NAV2: variants seen among roughly 807,000 people sequenced by gnomAD.
The protein encoded by NAV2 is neuron navigator 2, also known as helicase, APC down-regulated 1.
In NAV2, 54 loss-of-function variants were observed where a neutral mutation model predicts 223.2. That is an observed-to-expected ratio of 0.24 (90% CI 0.19 to 0.30). The LOEUF is 0.30. NAV2 is among the 10% of genes least tolerant of loss of function. The probability of loss-of-function intolerance (pLI) is 1.00; values close to 1 mark genes in which losing one functional copy is unlikely to be tolerated. For missense variants in NAV2, 2,806 were observed against 3,147.5 expected, an observed-to-expected ratio of 0.89 and a Z score of 2.60; for synonymous variants, 1,279 against 1,239.3, an observed-to-expected ratio of 1.03 and a Z score of -0.67.
intron 28 of NAV2, 98 bp from the exon 29 acceptor site, chr11:20,093,001 T>G: frequency 5.3e-6 from 1 of 189,968 alleles, no homozygotes; most frequent in Non-Finnish European, 1.2e-5. Context: ...CCCTGACACC[T>G]GTTTGTCCCG....
chr11:19,615,419 G>A (rs911274985), intron 1 of NAV2, among the ~76,000 whole-genome samples: 1 of 151,932 alleles, frequency 6.6e-6, no homozygotes, highest in Non-Finnish European at 1.5e-5. Flanking sequence ...TAAGTTATAC[G>A]TAATGTCTTA....
At chr11:19,893,873 G>GT (rs1037745654) in intron 6 of NAV2, among the ~76,000 whole-genome samples, 3 of 152,092 alleles carry the variant, frequency 2.0e-5, no homozygotes, top group African/African-American at 4.8e-5. Flanking sequence ...GTACCAGTGT[G>GT]TTTTTTAAGT....
intron 6 of NAV2, among the ~76,000 whole-genome samples, chr11:19,905,957 C>G (rs929280749): frequency 1.3e-5 from 2 of 152,154 alleles, no homozygotes; most frequent in Non-Finnish European, 2.9e-5. Flanking sequence ...AGGTGCCTTA[C>G]TCACCCCTAT....
chr11:19,756,922 G>A (rs2054279318), intron 1 of NAV2, among the ~76,000 whole-genome samples: 1 of 152,108 alleles, frequency 6.6e-6, no homozygotes, highest in Non-Finnish European at 1.5e-5. Context: ...GCCAAGGCCT[G>A]GTCAGGCCAC....
chr11:19,514,438 T>C (rs2043377358), intron 1 of NAV2, among the ~76,000 whole-genome samples: 1 of 152,190 alleles, frequency 6.6e-6, no homozygotes, highest in Non-Finnish European at 1.5e-5. Flanking sequence ...AAAATATTTA[T>C]CAACTCCTCA....
intron 1 of NAV2, among the ~76,000 whole-genome samples, chr11:19,451,845 C>T (rs1851798975): frequency 6.6e-6 from 1 of 152,202 alleles, no homozygotes; most frequent in African/African-American, 2.4e-5. Context: ...GAAATAGAAG[C>T]TGGCTGGAGT....
intron 1 of NAV2, among the ~76,000 whole-genome samples, chr11:19,585,067 A>G (rs1335098138): frequency 6.6e-6 from 1 of 152,130 alleles, no homozygotes; most frequent in Non-Finnish European, 1.5e-5. Flanking sequence ...GTGCTCCTAT[A>G]TTGGGTGCGT....
chr11:20,114,922 ATGAC>A lies in NAV2; in HGVS notation c.7164+130_7164+133del, dbSNP rs1015921642. On this transcript the variant is annotated intron_variant, in intron 37 of 37. Transcript: ENST00000349880. ...CCTTGCTTTGGAAGGCTGGACCCAA[ATGAC>A]TGGGCCATTTTTGCCAATATTTTCT... 2.3e-5 allele frequency: 20 copies of A among 888,360 alleles called. No homozygotes were observed. The Admixed American group carries it at 2.9e-4, about 13-fold the overall frequency. 55.0% of individuals were successfully genotyped at this position (888,360 alleles called of 1,614,324 possible).
At chr11:19,829,396 G>A (rs1056254277) in intron 1 of NAV2, among the ~76,000 whole-genome samples, 6 of 152,170 alleles carry the variant, frequency 3.9e-5, no homozygotes, top group African/African-American at 1.4e-4. Flanking sequence ...TTGAAATTTG[G>A]CTGTGAGAAG....
In NAV2 at chr11:19,914,574, G is replaced by A. The variant is rs528082894; in HGVS notation, c.932-18602G>A. ...TTTTTTTGAGACGGAGTCTCGCTCT[G>A]TCGCCCAGGCCGGACTGCGGACTGC... On this transcript the variant is annotated intron_variant, in intron 6 of 37. Coordinates refer to ENST00000349880, the MANE Select transcript of NAV2 (RefSeq NM_145117.5). Among the ~76,000 whole-genome samples the A allele has an allele frequency of 4.9e-5, 7 of 144,076 alleles. No homozygotes were observed. The East Asian group carries it at 1.2e-3, about 26-fold the overall frequency. 94.5% of individuals were successfully genotyped at this position (144,076 alleles called of 152,430 possible).
At chr11:19,953,647 T>C (rs2585777) in intron 10 of NAV2, among the ~76,000 whole-genome samples, 138,370 of 152,338 alleles carry the variant, frequency 0.91, 62,930 homozygotes, top group East Asian at 0.98. Flanking sequence ...CCTACCCTTA[T>C]ATATAAGCGT....
rs1297968661 is a variant in NAV2 at position 19,892,483 on chromosome 11, A to G, written c.820A>G (p.Thr274Ala). ...RVSAAGSEAKTRGGSTTANNR... is the reference protein window; with the variant it reads ...RVSAAGSEAKARGGSTTANNR... ...ATCCGCTGCAGGCAGCGAGGCCAAA[A>G]CACGCGGAGGGTCAACTACTGCTAA... Residue 274 changes from threonine to alanine, a missense_variant, in exon 6 of 38, where the codon ACA (threonine) becomes GCA (alanine). By Grantham distance (58) the Thr-to-Ala change is moderately conservative. Around this residue, in one of 4 missense-constraint regions of NAV2, gnomAD observed 1,167 missense variants for 1,180.5 expected, o/e 0.99. Transcript: ENST00000349880. 5.0e-6 allele frequency: 8 copies of G among 1,613,996 alleles called. No homozygotes were observed. The highest frequency in any genetic ancestry group is 6.8e-6 in the Non-Finnish European group (8 of 1,179,994).
At chr11:19,737,339 G>T (rs1333336676) in intron 1 of NAV2, among the ~76,000 whole-genome samples, 2 of 152,212 alleles carry the variant, frequency 1.3e-5, no homozygotes, top group Non-Finnish European at 2.9e-5. Flanking sequence ...ACAGTGCTAT[G>T]CATCGTGGGG....
At chr11:19,969,540 A>G (rs888205824) in intron 10 of NAV2, among the ~76,000 whole-genome samples, 5 of 152,142 alleles carry the variant, frequency 3.3e-5, no homozygotes, top group Admixed American at 2.0e-4. Context: ...CCCTCGGTGG[A>G]TGCCTGAAAC....
chr11:19,361,883 G>A (rs1039610677), intron 1 of NAV2, among the ~76,000 whole-genome samples: 3 of 152,240 alleles, frequency 2.0e-5, no homozygotes, highest in South Asian at 2.1e-4. Flanking sequence ...CAAGTGAGGT[G>A]GTGGAAGGAA....
At chr11:19,783,187 A>G (rs991342266) in intron 1 of NAV2, among the ~76,000 whole-genome samples, 13 of 152,030 alleles carry the variant, frequency 8.6e-5, no homozygotes, top group Non-Finnish European at 1.5e-5. Flanking sequence ...AGCTTTGCCT[A>G]TTTTTCTAGC....
Position 20,107,705 on chromosome 11 carries a change from T to C in NAV2, c.6883T>C (p.Ser2295Pro). The stretch of plus-strand genomic sequence containing the variant: ...GTCATGCCCCATCGATGTGGACGGC[T>C]CGAGAGTGTGGTTCACCGACTTGTG... ...FLSCPIDVDG[S>P]RVWFTDLWNY... The change falls in exon 36 of 38, where the codon TCG becomes CCG. Residue 2295 changes from serine (S) to proline (P), a missense_variant. Ser to Pro is a moderately conservative substitution (Grantham distance 74). This residue lies in a region of NAV2 where 824 missense variants were observed against 1,069.4 expected (regional missense o/e 0.77). Transcript: ENST00000349880. 1 of 1,614,140 alleles carries C rather than the reference T, an allele frequency of 6.2e-7. No individual in the cohort carries two copies. The highest frequency in any genetic ancestry group is 8.5e-7 in the Non-Finnish European group (1 of 1,180,024).
chr11:19,929,079 A>G (rs1473305016), intron 6 of NAV2, among the ~76,000 whole-genome samples: 1 of 151,886 alleles, frequency 6.6e-6, no homozygotes. Context: ...ACATGGCGAA[A>G]CTCCATCTCT....
chr11:19,937,479 A>G (rs574278778), intron 7 of NAV2, among the ~76,000 whole-genome samples: 95 of 152,290 alleles, frequency 6.2e-4, no homozygotes, highest in Admixed American at 4.1e-3. Context: ...CAGTGGATTC[A>G]TCTATCACTT....
Sources: gnomAD v4.1 joint callset for allele counts (sites outside exome capture counted in the v4.1 genomes callset) on GRCh38, gnomAD v4.1.1 for gene constraint, gnomAD v4.1.1 regional missense constraint, MANE v1.5 for transcripts, NCBI Gene and HGNC (gene_info 2026-07-23, HGNC 2026-07-21) for gene names.